USH2A: variants seen among roughly 807,000 people sequenced by gnomAD.
USH2A encodes the protein usherin.
In USH2A, 443 loss-of-function variants were observed where a neutral mutation model predicts 538.9. The ratio of observed to expected loss-of-function variants is 0.82; its 90% CI spans 0.76 to 0.89. USH2A has a LOEUF of 0.89. Ranked by LOEUF, USH2A falls within the 40% of genes least tolerant of loss-of-function variation. The pLI, the probability that USH2A is intolerant of heterozygous loss-of-function variation, is 0.00. For missense variants in USH2A, 6,633 were observed against 6,324.8 expected, an observed-to-expected ratio of 1.05 and a Z score of -1.65; for synonymous variants, 2,413 against 2,273.5, an observed-to-expected ratio of 1.06 and a Z score of -1.75.
intron 15 of USH2A, among the ~76,000 whole-genome samples, chr1:216,215,847 T>A (rs1383490990): frequency 6.6e-6 from 1 of 152,054 alleles, no homozygotes; most frequent in African/African-American, 2.4e-5. Context: ...GTCCAGTTAA[T>A]AAAACATAAA....
At chr1:215,919,841 T>C (rs1434551432) in intron 38 of USH2A, among the ~76,000 whole-genome samples, 2 of 152,180 alleles carry the variant, frequency 1.3e-5, no homozygotes, top group South Asian at 4.1e-4. Flanking sequence ...CAAATACATT[T>C]AAAGATTTCA....
chr1:215,729,539 T>C (rs968294850), intron 60 of USH2A, among the ~76,000 whole-genome samples: 1 of 152,220 alleles, frequency 6.6e-6, no homozygotes, highest in Non-Finnish European at 1.5e-5. Context: ...CCTAAAGGAA[T>C]AGGTAGCTGA....
rs1558317386 is a variant in USH2A, at chr1:216,207,289, C to CT, written c.3299dup (p.Asp1101GlyfsTer26). ...TAAACTCACTGTATGGGTATTGATC[C>CT]TCTGTTGTGTAGATTTCAAAACCAT... On this transcript the variant is annotated frameshift_variant, in exon 16 of 72. Transcript: ENST00000307340. LOFTEE classifies it high-confidence loss of function. The CT allele has an allele frequency of 1.2e-5, 20 of 1,613,958 alleles. No individual in the cohort carries two copies. The highest frequency in any genetic ancestry group is 1.6e-5 in the Non-Finnish European group (19 of 1,179,936).
intron 9 of USH2A, among the ~76,000 whole-genome samples, chr1:216,297,720 C>T (rs1045023484): frequency 2.6e-5 from 4 of 152,094 alleles, no homozygotes; most frequent in Non-Finnish European, 5.9e-5. Context: ...AGGTAGCCTA[C>T]AGAGTGGAGC....
chr1:215,672,195 C>A (rs550553587), intron 63 of USH2A, among the ~76,000 whole-genome samples: 2 of 152,270 alleles, frequency 1.3e-5, no homozygotes, highest in South Asian at 4.1e-4. Flanking sequence ...CTATTCCCAA[C>A]CACCATTGAT....
intron 56 of USH2A, among the ~76,000 whole-genome samples, chr1:215,761,361 C>T (rs571371869): frequency 2.0e-3 from 303 of 152,228 alleles, no homozygotes; most frequent in African/African-American, 7.0e-3. Flanking sequence ...TTCTCTGTAT[C>T]GCATGGCCTT....
chr1:215,721,509 T>G (rs1335861269), intron 61 of USH2A, among the ~76,000 whole-genome samples: 2 of 152,190 alleles, frequency 1.3e-5, no homozygotes, highest in Non-Finnish European at 2.9e-5. Flanking sequence ...GGAATCCTGA[T>G]GGAGCTTGCT....
chr1:216,388,144 G>T (rs1336766424), intron 3 of USH2A, among the ~76,000 whole-genome samples: 1 of 152,316 alleles, frequency 6.6e-6, no homozygotes, highest in Non-Finnish European at 1.5e-5. Flanking sequence ...CACTTCACGA[G>T]TTTAAGTATA....
At chr1:216,198,114 G>T (rs569012815) in intron 18 of USH2A, among the ~76,000 whole-genome samples, 1 of 152,044 alleles carries the variant, frequency 6.6e-6, no homozygotes, top group African/African-American at 2.4e-5. Context: ...ATTTACTTTT[G>T]CCCCCTAGAA....
Position 216,072,976 on chromosome 1 carries a change from T to C in USH2A, c.5777-7A>G. 1 of 1,613,818 alleles carries C rather than the reference T, an allele frequency of 6.2e-7. No individual in the cohort carries two copies. Among genetic ancestry groups the C allele is most frequent in the Admixed American group, 1.7e-5 (1 of 59,974 alleles). ...ATCACTCGATACAGGTATTCTTAAA[T>C]GGAAATAAGATGCAGCAAGATTAAA... On this transcript the variant is annotated splice_polypyrimidine_tract_variant and splice_region_variant and intron_variant, in intron 28 of 71. Transcript: ENST00000307340.
At chr1:215,661,144 T>C (rs958048586) in intron 64 of USH2A, among the ~76,000 whole-genome samples, 1 of 152,200 alleles carries the variant, frequency 6.6e-6, no homozygotes, top group Non-Finnish European at 1.5e-5. Flanking sequence ...GGCATTATTA[T>C]ATACTGGTTG....
chr1:216,125,558 G>A (rs963217676), intron 21 of USH2A, among the ~76,000 whole-genome samples: 4 of 152,202 alleles, frequency 2.6e-5, no homozygotes, highest in African/African-American at 7.2e-5. Flanking sequence ...TTGATTGTGC[G>A]ATGGCCTTTT....
chr1:215,878,797 T>A lies in USH2A; in HGVS notation c.8525A>T (p.Gln2842Leu). Residue 2842 changes from glutamine to leucine, a missense_variant, in exon 42 of 72, where the codon CAA (glutamine) becomes CTA (leucine). Gln to Leu is a moderately radical substitution (Grantham distance 113, BLOSUM62 -2). Transcript: ENST00000307340. ...LSESYVVISW[Q>L]PPSKPNGPNL... ...AGGTCCATTTGGCTTGGATGGTGGT[T>A]GCCAAGAAATCACAACATATGATTC... 1 of 1,614,036 alleles carries A rather than the reference T, an allele frequency of 6.2e-7. No homozygotes were observed. Among genetic ancestry groups the A allele is most frequent in the Non-Finnish European group, 8.5e-7 (1 of 1,179,948 alleles).
At chr1:215,780,256 C>T (rs1661592299) in intron 54 of USH2A, among the ~76,000 whole-genome samples, 1 of 152,094 alleles carries the variant, frequency 6.6e-6, no homozygotes, top group Non-Finnish European at 1.5e-5. Context: ...TCTCACACTA[C>T]CATTTATCAC....
intron 32 of USH2A, among the ~76,000 whole-genome samples, chr1:216,026,922 A>T (rs146881737): frequency 8.7e-4 from 133 of 152,342 alleles, no homozygotes; most frequent in African/African-American, 3.0e-3. Context: ...AAGTGAATTA[A>T]TGAAAGAACC....
chr1:215,637,229 G>A (rs562608783), intron 69 of USH2A, among the ~76,000 whole-genome samples: 30 of 152,150 alleles, frequency 2.0e-4, no homozygotes, highest in Non-Finnish European at 3.5e-4. Context: ...TAGAAGGCGA[G>A]CAACCTTGGT....
At chr1:215,748,293 C>T (rs180907228) in intron 58 of USH2A, among the ~76,000 whole-genome samples, 12 of 152,172 alleles carry the variant, frequency 7.9e-5, no homozygotes, top group Admixed American at 7.8e-4. Flanking sequence ...ATTGCCGGGA[C>T]CTTGAACCTG....
Position 216,048,617 on chromosome 1 carries a change from T to G in USH2A, c.6080A>C (p.Asn2027Thr), listed in dbSNP as rs144112891. ...GCAAGCAGTTAGGGTTACTGCATAG[T>G]TTTTGAAGGGTAGCAAGCCTGTCAA... ...GILTGLLPFK[N>T]YAVTLTACTL... The change falls in exon 31 of 72, where the codon AAC (asparagine) becomes ACC (threonine). Residue 2027 changes from asparagine to threonine, a missense_variant. Asn to Thr is a moderately conservative substitution (Grantham distance 65). Transcript: ENST00000307340. The G allele has an allele frequency of 2.2e-5, 35 of 1,613,958 alleles. No homozygotes were observed. In the African/African-American group the frequency reaches 4.3e-4, roughly 20 times the overall value.
chr1:216,141,266 A>G (rs769549390), intron 21 of USH2A, among the ~76,000 whole-genome samples: 56 of 152,276 alleles, frequency 3.7e-4, no homozygotes, highest in Non-Finnish European at 6.9e-4. Flanking sequence ...CTCTTTCAAC[A>G]TTATGCACAG....
Sources: allele counts gnomAD v4.1 joint callset (sites outside exome capture counted in the v4.1 genomes callset), GRCh38; gene constraint gnomAD v4.1.1; transcripts MANE v1.5; gene names NCBI Gene and HGNC (gene_info 2026-07-23, HGNC 2026-07-21).